CALN1: variants seen among roughly 807,000 people sequenced by gnomAD.
The protein encoded by CALN1 is calneuron 1.
A neutral mutation model predicts 30.6 loss-of-function variants in CALN1; 17 were observed. That is an observed-to-expected ratio of 0.56 (90% confidence interval 0.38 to 0.83). The LOEUF is 0.83. CALN1 is among the 40% of genes least tolerant of loss of function. The pLI is 0.00. For missense variants in CALN1, 291 were observed against 354.9 expected, an observed-to-expected ratio of 0.82 and a Z score of 1.45; for synonymous variants, 156 against 131.4, an observed-to-expected ratio of 1.19 and a Z score of -1.28.
chr7:72,040,797 G>C (rs1447883437), intron 4 of CALN1, among the ~76,000 whole-genome samples: 1 of 152,102 alleles, frequency 6.6e-6, no homozygotes, highest in Admixed American at 6.6e-5. Flanking sequence ...ACTGCAAAAA[G>C]TGGTCATGTG....
At chr7:72,410,217 A>G (rs1028568315) in intron 1 of CALN1, among the ~76,000 whole-genome samples, 3 of 152,180 alleles carry the variant, frequency 2.0e-5, no homozygotes, top group Non-Finnish European at 2.9e-5. Flanking sequence ...TAAATATGTA[A>G]GAGAGGTTGT....
At chr7:71,864,021 G>A (rs1469767800) in intron 5 of CALN1, among the ~76,000 whole-genome samples, 3 of 152,102 alleles carry the variant, frequency 2.0e-5, no homozygotes, top group Non-Finnish European at 2.9e-5. Flanking sequence ...TCTCTGCAAA[G>A]CATCCAGTTA....
intron 4 of CALN1, among the ~76,000 whole-genome samples, chr7:72,046,838 G>T (rs1802504787): frequency 6.6e-6 from 1 of 151,674 alleles, no homozygotes; most frequent in African/African-American, 2.4e-5. Flanking sequence ...GACCAGTCTG[G>T]GCAACCTAGC....
chr7:71,981,183 T>C (rs1191360590), intron 5 of CALN1, among the ~76,000 whole-genome samples: 1 of 152,140 alleles, frequency 6.6e-6, no homozygotes, highest in Non-Finnish European at 1.5e-5. Flanking sequence ...GTTATAATAT[T>C]TAGTGTGTTA....
intron 5 of CALN1, among the ~76,000 whole-genome samples, chr7:71,818,630 A>C (rs879802370): frequency 6.6e-6 from 1 of 151,844 alleles, no homozygotes; most frequent in Non-Finnish European, 1.5e-5. Context: ...TCAACTTCCC[A>C]AAATGCTGAG....
the CALN1 span, among the ~76,000 whole-genome samples, chr7:72,464,183 C>T: frequency 6.6e-6 from 1 of 152,146 alleles, no homozygotes; most frequent in African/African-American, 2.4e-5. Flanking sequence ...GTGGCATGCA[C>T]CTGTAGCCCC....
rs1484722698 is a variant in CALN1, at chr7:72,071,857, AGAAG to A, written c.388+34290_388+34293del. On this transcript the variant is annotated intron_variant, in intron 4 of 6. Transcript: ENST00000395275. ...AAACAACCGTCTTAAACATGCTCAA[AGAAG>A]GAAGACATAGAGAAAGTCAAGAAAA... Among the ~76,000 whole-genome samples, 4 of 152,354 alleles carry A rather than the reference AGAAG, an allele frequency of 2.6e-5. No homozygotes were observed. The East Asian group carries it at 5.8e-4, about 22-fold the overall frequency.
chr7:72,430,460 G>C (rs1807938632), intron 1 of CALN1, among the ~76,000 whole-genome samples: 1 of 152,002 alleles, frequency 6.6e-6, no homozygotes, highest in African/African-American at 2.4e-5. Context: ...TTACTGAGGT[G>C]GCTGTTTAGG....
At chr7:72,343,186 C>A (rs562970563) in intron 2 of CALN1, among the ~76,000 whole-genome samples, 1 of 152,252 alleles carries the variant, frequency 6.6e-6, no homozygotes, top group Admixed American at 6.5e-5. Context: ...CATGAAGGGG[C>A]ACAGGAAGGG....
Position 72,005,197 on chromosome 7 carries a change from C to T in CALN1, c.501+18460G>A, listed in dbSNP as rs559049384. 3.8e-4 allele frequency among the ~76,000 whole-genome samples: 58 copies of T among 152,314 alleles called. No homozygotes were observed. In the South Asian group the frequency reaches 0.012, roughly 31 times the overall value. ...ACAAAAGCCTGCATACAAATGGTCG[C>T]AGCAGCTTTATTCATAAAAACCAAA... On this transcript the variant is annotated intron_variant, in intron 5 of 6. Transcript: ENST00000395275.
intron 4 of CALN1, among the ~76,000 whole-genome samples, chr7:72,055,642 G>A (rs1436741923): frequency 1.3e-5 from 2 of 152,076 alleles, no homozygotes; most frequent in Non-Finnish European, 2.9e-5. Flanking sequence ...ATGAAATACT[G>A]TACTTTATAT....
At chr7:72,390,993 G>A (rs567426996) in intron 2 of CALN1, among the ~76,000 whole-genome samples, 2 of 152,262 alleles carry the variant, frequency 1.3e-5, no homozygotes, top group Admixed American at 1.3e-4. Context: ...CTGACTCTAA[G>A]AAGATTTCTT....
In CALN1 at chr7:71,835,172, C is replaced by T. The variant is rs147905608; in HGVS notation, c.502-24680G>A. Among the ~76,000 whole-genome samples, 265 of 152,284 alleles carry T rather than the reference C, an allele frequency of 1.7e-3. 2 individuals carry two copies. Among genetic ancestry groups the T allele is most frequent in the African/African-American group, 5.9e-3 (246 of 41,550 alleles). ...TGTTTTCATAACCAGCTCACAAACA[C>T]GGCACTTGCCTAAGCCCCTGGCCTT... is the stretch of plus-strand genomic sequence containing the variant. On this transcript the variant is annotated intron_variant, in intron 5 of 6. Transcript: ENST00000395275.
chr7:71,973,207 ACT>A (rs1225202289), intron 5 of CALN1, among the ~76,000 whole-genome samples: 1 of 150,544 alleles, frequency 6.6e-6, no homozygotes, highest in Non-Finnish European at 1.5e-5. Context: ...CACAGTTCTC[ACT>A]CTGTTGCCCT....
At chr7:71,892,706 TGGGCTTTGAGAGCAGAGTAAACAGAG>T (rs1169705843) in intron 5 of CALN1, among the ~76,000 whole-genome samples, 1 of 152,254 alleles carries the variant, frequency 6.6e-6, no homozygotes, top group African/African-American at 2.4e-5. Flanking sequence ...TCATGTATGC[TGGGCTTTGAGAGCAGAGTAAACAGAG>T]GGGCTTACAA....
At chr7:72,053,605 G>C (rs1802979927) in intron 4 of CALN1, among the ~76,000 whole-genome samples, 1 of 151,380 alleles carries the variant, frequency 6.6e-6, no homozygotes, top group African/African-American at 2.4e-5. Context: ...TAGCAACTTT[G>C]GTTTTCTTTC....
chr7:72,247,227 C>CTTTTTTTTTTTTTTTTTT (rs764276435), intron 3 of CALN1, among the ~76,000 whole-genome samples: 1 of 77,672 alleles, frequency 1.3e-5, no homozygotes, highest in Non-Finnish European at 2.3e-5. Flanking sequence ...CATTTTCTTT[C>CTTTTTTTTTTTTTTTTTT]TTTTTTTTTT....
intron 1 of CALN1, among the ~76,000 whole-genome samples, chr7:72,441,801 G>A (rs780958507): frequency 5.9e-5 from 9 of 151,830 alleles, no homozygotes; most frequent in South Asian, 2.1e-4. Context: ...TCAGTTCGTC[G>A]TCTCTTCCAT....
At chr7:72,358,261 C>CTAG (rs1382467197) in intron 2 of CALN1, among the ~76,000 whole-genome samples, 1 of 151,904 alleles carries the variant, frequency 6.6e-6, no homozygotes, top group African/African-American at 2.4e-5. Context: ...TCCCAAAGTG[C>CTAG]TAGGATTATA....
Sources: gnomAD v4.1 joint callset for allele counts (sites outside exome capture counted in the v4.1 genomes callset) on GRCh38, gnomAD v4.1.1 for gene constraint, MANE v1.5 for transcripts, NCBI Gene and HGNC (gene_info 2026-07-23, HGNC 2026-07-21) for gene names.